The following EFNA5 variants were observed in gnomAD, a reference collection of about 807,000 sequenced individuals.
EFNA5 encodes ephrin A5, also known as ephrin-A5.
In EFNA5, 5 loss-of-function variants were observed where a neutral mutation model predicts 22.9. That is an observed-to-expected ratio of 0.22 (90% CI 0.11 to 0.46). The LOEUF (loss-of-function observed/expected upper bound fraction) is 0.46. Ranked by LOEUF, EFNA5 falls within the 20% of genes least tolerant of loss-of-function variation. The pLI, the probability that EFNA5 is intolerant of heterozygous loss-of-function variation, is 0.99. For synonymous variants in EFNA5, 113 were observed against 112.2 expected (o/e 1.01, Z -0.04); for missense variants, 237 against 293.3 (o/e 0.81, Z 1.40).
chr5:107,500,871 T>TA lies in EFNA5; in HGVS notation c.126-73363dup, dbSNP rs5870265. ...TAGCAAGTACCTAAAAAATATTCAT[T>TA]AAAAAAAAACAAAACAAAAAGGTTT... On this transcript the variant is annotated intron_variant, in intron 1 of 4. Transcript: ENST00000333274. 5.5e-3 allele frequency among the ~76,000 whole-genome samples: 817 copies of TA among 149,518 alleles called. 9 individuals carry two copies. Among genetic ancestry groups the TA allele is most frequent in the African/African-American group, 0.018 (714 of 40,524 alleles).
At position 107,387,241 on chromosome 5, in the gene EFNA5, G is replaced by T; in HGVS notation, c.559C>A (p.Pro187Thr). 1 of 1,603,132 alleles carries T rather than the reference G, an allele frequency of 6.2e-7. No homozygotes were observed. ...ATTCTCTAAGCATACTAACCTGCTG[G>T]TTCTAATGAATTTTCTACTTTGTCG... Reference protein sequence around the residue: ...VNDKVENSLEPADDTVHESAE... With the variant: ...VNDKVENSLETADDTVHESAE... The change falls in exon 4 of 5, where the codon CCA becomes ACA. Residue 187 changes from proline to threonine, a missense_variant. By Grantham distance (38) the Pro-to-Thr change is conservative (BLOSUM62 -1). Coordinates refer to ENST00000333274, the MANE Select transcript of EFNA5 (RefSeq NM_001962.3).
chr5:107,600,509 CAGA>C (rs1449885723), intron 1 of EFNA5, among the ~76,000 whole-genome samples: 1 of 149,982 alleles, frequency 6.7e-6, no homozygotes, highest in Non-Finnish European at 1.5e-5. Context: ...TTTTTGGCCA[CAGA>C]GTCTCACTCT....
chr5:107,390,879 T>G (rs1747777656), intron 2 of EFNA5, among the ~76,000 whole-genome samples: 1 of 152,150 alleles, frequency 6.6e-6, no homozygotes, highest in Non-Finnish European at 1.5e-5. Flanking sequence ...CTACTATGGG[T>G]TGGGTGCAGT....
intron 1 of EFNA5, among the ~76,000 whole-genome samples, chr5:107,529,805 T>C (rs1747771712): frequency 6.6e-6 from 1 of 152,202 alleles, no homozygotes; most frequent in Non-Finnish European, 1.5e-5. Flanking sequence ...AGTATTAGTA[T>C]ACAAGCCATT....
In EFNA5 at chr5:107,400,279, TA is replaced by T. The variant is rs1227720464; in HGVS notation, c.419-12509del. Among the ~76,000 whole-genome samples the T allele has an allele frequency of 4.1e-5, 6 of 146,530 alleles. No homozygotes were observed. In the South Asian group the frequency reaches 6.2e-4, roughly 15 times the overall value. ...TAAATTTGAAATTTTTAGAAAGATT[TA>T]AAAAAATGTATAACTTCAATAAGTC... is the stretch of plus-strand genomic sequence containing the variant. On this transcript the variant is annotated intron_variant, in intron 2 of 4. Coordinates refer to ENST00000333274, the MANE Select transcript of EFNA5 (RefSeq NM_001962.3).
At chr5:107,655,906 T>C (rs568369943) in intron 1 of EFNA5, among the ~76,000 whole-genome samples, 33 of 152,272 alleles carry the variant, frequency 2.2e-4, no homozygotes, top group African/African-American at 7.9e-4. Context: ...GTGTATAATA[T>C]GTACTAAGTT....
At chr5:107,483,819 G>C (rs1750547866) in intron 1 of EFNA5, among the ~76,000 whole-genome samples, 1 of 152,158 alleles carries the variant, frequency 6.6e-6, no homozygotes, top group Non-Finnish European at 1.5e-5. Context: ...TCCAAGAACT[G>C]GGTAAGGCTA....
At chr5:107,476,883 A>C (rs1750328174) in intron 1 of EFNA5, among the ~76,000 whole-genome samples, 1 of 152,222 alleles carries the variant, frequency 6.6e-6, no homozygotes, top group South Asian at 2.1e-4. Context: ...AGAATCAGAC[A>C]GAATGAAATC....
At chr5:107,537,399 G>A (rs1747951261) in intron 1 of EFNA5, among the ~76,000 whole-genome samples, 1 of 151,386 alleles carries the variant, frequency 6.6e-6, no homozygotes, top group African/African-American at 2.4e-5. Context: ...AGGAGTTTGA[G>A]ACCATCCTGA....
At chr5:107,483,049 T>A (rs1750530736) in intron 1 of EFNA5, among the ~76,000 whole-genome samples, 1 of 152,074 alleles carries the variant, frequency 6.6e-6, no homozygotes, top group Non-Finnish European at 1.5e-5. Flanking sequence ...AACTAATTAG[T>A]TTACAGTGTT....
chr5:107,600,735 G>A (rs1412036021), intron 1 of EFNA5, among the ~76,000 whole-genome samples: 7 of 151,856 alleles, frequency 4.6e-5, no homozygotes, highest in South Asian at 2.1e-4. Context: ...TGATCCACCC[G>A]CCTGAGTCTC....
chr5:107,428,831 G>A (rs1461341302), intron 1 of EFNA5, among the ~76,000 whole-genome samples: 1 of 152,134 alleles, frequency 6.6e-6, no homozygotes, highest in Non-Finnish European at 1.5e-5. Context: ...CCGCTTCTGT[G>A]TAATTTCTAC....
At chr5:107,539,152 A>T (rs1342098225) in intron 1 of EFNA5, among the ~76,000 whole-genome samples, 1 of 152,164 alleles carries the variant, frequency 6.6e-6, no homozygotes, top group Non-Finnish European at 1.5e-5. Flanking sequence ...GGTCCTGATC[A>T]TTTTCTCAGA....
chr5:107,610,604 CTCT>C (rs1190941207), intron 1 of EFNA5, among the ~76,000 whole-genome samples: 1 of 152,146 alleles, frequency 6.6e-6, no homozygotes, highest in Non-Finnish European at 1.5e-5. Context: ...CAAAACGTAT[CTCT>C]TTTTTTAATC....
At chr5:107,551,585 T>A (rs1410892580) in intron 1 of EFNA5, among the ~76,000 whole-genome samples, 1 of 151,966 alleles carries the variant, frequency 6.6e-6, no homozygotes, top group Admixed American at 6.6e-5. Flanking sequence ...GTGCCTGGAG[T>A]CCAGATTGAG....
In EFNA5 at chr5:107,509,485, A is replaced by ATT. The variant is rs35228224; in HGVS notation, c.126-81978_126-81977dup. ...AAGCATGTGCCACCATGCTTGGCTA[A>ATT]TTTTTTTTTTTTTTTTTTTGTATTT... On this transcript the variant is annotated intron_variant, in intron 1 of 4. Coordinates refer to ENST00000333274, the MANE Select transcript of EFNA5 (RefSeq NM_001962.3). 1.9e-3 allele frequency among the ~76,000 whole-genome samples: 239 copies of ATT among 125,218 alleles called. 1 individual carries two copies. Among genetic ancestry groups the ATT allele is most frequent in the African/African-American group, 6.6e-3 (215 of 32,694 alleles). The allele number at this position is 125,218 out of a possible 152,430, so 82.1% of individuals were successfully genotyped here.
At chr5:107,478,335 T>G (rs1750367196) in intron 1 of EFNA5, among the ~76,000 whole-genome samples, 1 of 152,208 alleles carries the variant, frequency 6.6e-6, no homozygotes, top group African/African-American at 2.4e-5. Flanking sequence ...AAATTTATCA[T>G]TAACAAAGGG....
At chr5:107,589,928 C>A (rs917382753) in intron 1 of EFNA5, among the ~76,000 whole-genome samples, 3 of 152,146 alleles carry the variant, frequency 2.0e-5, no homozygotes, top group African/African-American at 7.2e-5. Context: ...GAAACCCTGC[C>A]AGAAAAAGTG....
At chr5:107,421,355 T>G (rs1748660414) in intron 2 of EFNA5, among the ~76,000 whole-genome samples, 2 of 152,232 alleles carry the variant, frequency 1.3e-5, no homozygotes, top group African/African-American at 4.8e-5. Flanking sequence ...TAGTATCATT[T>G]TCAGAAAATG....
Sources: gnomAD v4.1 joint callset for allele counts (sites outside exome capture counted in the v4.1 genomes callset) on GRCh38, gnomAD v4.1.1 for gene constraint, MANE v1.5 for transcripts, NCBI Gene and HGNC (gene_info 2026-07-23, HGNC 2026-07-21) for gene names.